TRPM1: variants seen among roughly 807,000 people sequenced by gnomAD.
The protein encoded by TRPM1 is TRPM1-203 APA Isoform, Intron 10.
A neutral mutation model predicts 149.4 loss-of-function variants in TRPM1; 113 were observed. The ratio of observed to expected loss-of-function variants is 0.76; its 90% CI spans 0.65 to 0.88. The LOEUF (loss-of-function observed/expected upper bound fraction) is 0.88. Ranked by LOEUF, TRPM1 falls within the 40% of genes least tolerant of loss-of-function variation. TRPM1 has a pLI of 0.00. For missense variants in TRPM1, 1,976 were observed against 2,038.7 expected (o/e 0.97, Z 0.59); for synonymous variants, 741 against 759.5 (o/e 0.98, Z 0.40).
intron 1 of TRPM1, among the ~76,000 whole-genome samples, chr15:31,108,161 T>A (rs2035635821): frequency 4.4e-5 from 1 of 22,490 alleles, no homozygotes; most frequent in African/African-American, 1.7e-4. Flanking sequence ...CCTGTCCAAT[T>A]TTTTTTTCTA....
intron 6 of TRPM1, among the ~76,000 whole-genome samples, chr15:31,066,448 T>TA (rs1392503138): frequency 6.6e-6 from 1 of 152,196 alleles, no homozygotes; most frequent in African/African-American, 2.4e-5. Flanking sequence ...AATGACAACC[T>TA]AGCAATTGCA....
At chr15:31,083,407 A>T (rs886531677) in intron 1 of TRPM1, among the ~76,000 whole-genome samples, 3 of 152,104 alleles carry the variant, frequency 2.0e-5, no homozygotes, top group Admixed American at 6.5e-5. Flanking sequence ...AGCCCTCAGG[A>T]TGTGGGAACG....
chr15:31,157,506 C>T (rs2036392891), intron 1 of TRPM1, among the ~76,000 whole-genome samples: 1 of 152,126 alleles, frequency 6.6e-6, no homozygotes, highest in African/African-American at 2.4e-5. Context: ...TGAACTTTGA[C>T]TCTTGACTTT....
At chr15:31,088,944 C>T (rs1315153758) in intron 1 of TRPM1, among the ~76,000 whole-genome samples, 2 of 152,160 alleles carry the variant, frequency 1.3e-5, no homozygotes, top group African/African-American at 2.4e-5. Flanking sequence ...AAGCTGCTGG[C>T]GCCTCTGTGA....
intron 1 of TRPM1, among the ~76,000 whole-genome samples, chr15:31,144,566 G>T (rs1470372411): frequency 2.6e-5 from 4 of 151,654 alleles, no homozygotes; most frequent in Non-Finnish European, 5.9e-5. Flanking sequence ...TAAGGTCAAT[G>T]AGACTAAATT....
chr15:31,013,802 G>T (rs1433399422), intron 27 of TRPM1, among the ~76,000 whole-genome samples: 6 of 152,010 alleles, frequency 3.9e-5, no homozygotes, highest in Non-Finnish European at 8.8e-5. Flanking sequence ...AAATAATATT[G>T]TAAAGTCTAT....
chr15:31,001,957 A>T lies in TRPM1; in HGVS notation c.4743T>A (p.Asn1581Lys), dbSNP rs759735313. 20 of 1,614,100 alleles carry T rather than the reference A, an allele frequency of 1.2e-5. No individual in the cohort carries two copies. ...RSKSLHGHPR[N>K]VKSIQGKLDR... is the part of the protein sequence containing the mutation. The stretch of plus-strand genomic sequence containing the variant: ...CTAACTTTCCCTGAATGGATTTCAC[A>T]TTCCTAGGATGTCCATGTAAACTTT... The change falls in exon 28 of 28, where the codon AAT (asparagine) becomes AAA (lysine). Residue 1581 changes from asparagine to lysine, a missense_variant. Around this residue, in one of 3 missense-constraint regions of TRPM1, gnomAD observed 572 missense variants for 578.9 expected, o/e 0.99. Coordinates refer to ENST00000256552, the MANE Select transcript of TRPM1 (RefSeq NM_001252024.2).
intron 1 of TRPM1, among the ~76,000 whole-genome samples, chr15:31,090,819 C>T (rs1038337427): frequency 1.3e-5 from 2 of 152,090 alleles, no homozygotes; most frequent in East Asian, 1.9e-4. Flanking sequence ...GGGCTTTAGA[C>T]GTACCTGAGT....
chr15:31,045,722 T>G (rs895953801), intron 16 of TRPM1, among the ~76,000 whole-genome samples: 6 of 152,200 alleles, frequency 3.9e-5, no homozygotes, highest in African/African-American at 1.4e-4. Flanking sequence ...TTGAGAAAAC[T>G]ATATATTTTT....
At chr15:31,064,384 AC>A (rs1312389531) in intron 7 of TRPM1, among the ~76,000 whole-genome samples, 1 of 152,162 alleles carries the variant, frequency 6.6e-6, no homozygotes, top group Non-Finnish European at 1.5e-5. Context: ...CACAGTGGGT[AC>A]CAACTAACTT....
intron 1 of TRPM1, among the ~76,000 whole-genome samples, chr15:31,136,525 C>A (rs1042158969): frequency 1.3e-5 from 2 of 152,214 alleles, no homozygotes; most frequent in African/African-American, 2.4e-5. Flanking sequence ...TTGGGTTAGG[C>A]TGCTACTGAA....
chr15:31,030,929 G>T, intron 23 of TRPM1, 54 bp downstream of exon 23: 2 of 1,600,614 alleles, frequency 1.2e-6, no homozygotes, highest in South Asian at 1.1e-5. Context: ...ATTTGGAACT[G>T]ATCATCTGCC....
chr15:31,046,332 T>G, intron 15 of TRPM1, 99 bp from the exon 16 acceptor site: 1 of 1,105,200 alleles, frequency 9.0e-7, no homozygotes, highest in Non-Finnish European at 1.4e-6. Context: ...ACGAATGGAT[T>G]AAAAAGCACT....
At position 31,067,745 on chromosome 15, in the gene TRPM1, G is replaced by T. The variant is rs986636044; in HGVS notation, c.493+134C>A. Reference sequence around the variant, plus strand: ...TAAAAAACACAAGCTAGGGAATAAAGACTTCACTTTAGTCATAAATAGGAT... The same window carrying T: ...TAAAAAACACAAGCTAGGGAATAAATACTTCACTTTAGTCATAAATAGGAT... On this transcript the variant is annotated intron_variant, in intron 5 of 27. Coordinates refer to ENST00000256552, the MANE Select transcript of TRPM1 (RefSeq NM_001252024.2). 4.6e-6 allele frequency: 4 copies of T among 873,474 alleles called. No individual in the cohort carries two copies. In the Admixed American group the frequency reaches 8.2e-5, roughly 18 times the overall value. The allele number at this position is 873,474 out of a possible 1,614,324, so 54.1% of individuals were successfully genotyped here.
At chr15:31,047,293 C>G (rs143595465) in intron 14 of TRPM1, 42 bp from the exon 15 acceptor site, 62 of 1,613,274 alleles carry the variant, frequency 3.8e-5, no homozygotes, top group Admixed American at 8.3e-5. Context: ...AGAATGCGTT[C>G]GCAGTGTGGA....
At chr15:31,042,617 G>C (rs561047982) in intron 16 of TRPM1, among the ~76,000 whole-genome samples, 1 of 152,328 alleles carries the variant, frequency 6.6e-6, no homozygotes, top group East Asian at 1.9e-4. Context: ...TATTTCCTCA[G>C]GGAGGTCTTC....
At chr15:31,121,451 A>G (rs2035878919) in intron 1 of TRPM1, among the ~76,000 whole-genome samples, 1 of 152,164 alleles carries the variant, frequency 6.6e-6, no homozygotes, top group Non-Finnish European at 1.5e-5. Flanking sequence ...AACCAAAGAG[A>G]TCAGATGCAG....
At position 31,018,298 on chromosome 15, in the gene TRPM1, G is replaced by A. The variant is rs150880794; in HGVS notation, c.3629+7841C>T. 8.8e-3 allele frequency among the ~76,000 whole-genome samples: 1,331 copies of A among 152,086 alleles called. 15 individuals carry two copies. The highest frequency in any genetic ancestry group is 0.03 in the African/African-American group (1,229 of 41,488). On this transcript the variant is annotated intron_variant, in intron 27 of 27. Coordinates refer to ENST00000256552, the MANE Select transcript of TRPM1 (RefSeq NM_001252024.2). ...ACCCCTGACCTCAGGTGATCTGCCCGCCTCGGCCTCCCAAAGTGCTGGGAT... is the reference window on the plus strand; with the variant it reads ...ACCCCTGACCTCAGGTGATCTGCCCACCTCGGCCTCCCAAAGTGCTGGGAT...
At chr15:31,096,937 G>A (rs1468312139) in intron 1 of TRPM1, among the ~76,000 whole-genome samples, 1 of 152,216 alleles carries the variant, frequency 6.6e-6, no homozygotes, top group Non-Finnish European at 1.5e-5. Flanking sequence ...GCCAGCAGGA[G>A]TGAGGGGTAG....
Sources: gnomAD v4.1 joint callset for allele counts (sites outside exome capture counted in the v4.1 genomes callset) on GRCh38, gnomAD v4.1.1 for gene constraint, gnomAD v4.1.1 regional missense constraint, MANE v1.5 for transcripts, NCBI Gene and HGNC (gene_info 2026-07-23, HGNC 2026-07-21) for gene names.